The following LRRC7 variants were observed in gnomAD, a reference collection of about 807,000 sequenced individuals.
LRRC7 encodes the protein leucine rich repeat containing 7.
In LRRC7, 23 loss-of-function variants were observed where a neutral mutation model predicts 175.7. The ratio of observed to expected loss-of-function variants is 0.13; its 90% CI spans 0.09 to 0.19. The LOEUF (loss-of-function observed/expected upper bound fraction) is 0.19, where lower values mean the gene tolerates loss of function less well. Ranked by LOEUF, LRRC7 falls within the 10% of genes least tolerant of loss-of-function variation. The probability of loss-of-function intolerance (pLI) is 1.00; values close to 1 mark genes in which losing one functional copy is unlikely to be tolerated. For synonymous variants in LRRC7, 685 were observed against 680.9 expected (o/e 1.01, Z -0.09); for missense variants, 1,354 against 1,904.7 (o/e 0.71, Z 5.38).
intron 7 of LRRC7, among the ~76,000 whole-genome samples, chr1:69,892,489 A>G (rs1447693294): frequency 6.6e-6 from 1 of 152,258 alleles, no homozygotes; most frequent in Non-Finnish European, 1.5e-5. Flanking sequence ...ACAATACAAT[A>G]CACATCTTTA....
chr1:69,743,987 A>G (rs1052163674), intron 2 of LRRC7, among the ~76,000 whole-genome samples: 3 of 151,728 alleles, frequency 2.0e-5, no homozygotes, highest in African/African-American at 7.2e-5. Context: ...CCCTTTAACT[A>G]CTTACTATCC....
intron 2 of LRRC7, among the ~76,000 whole-genome samples, chr1:69,690,924 T>TG (rs1358700694): frequency 1.3e-5 from 2 of 152,168 alleles, no homozygotes; most frequent in East Asian, 3.9e-4. Flanking sequence ...CAGCTTCTTG[T>TG]GGGGTCTTTC....
intron 23 of LRRC7, among the ~76,000 whole-genome samples, chr1:70,066,494 CT>C: frequency 6.6e-6 from 1 of 151,980 alleles, no homozygotes; most frequent in South Asian, 2.1e-4. Context: ...TGTATGTAAC[CT>C]TTTGGGATTG....
intron 25 of LRRC7, among the ~76,000 whole-genome samples, chr1:70,104,542 C>T (rs996710644): frequency 6.6e-6 from 1 of 151,940 alleles, no homozygotes; most frequent in Non-Finnish European, 1.5e-5. Context: ...ATAGGATATA[C>T]TTGGAAAAAA....
chr1:69,813,116 T>C (rs1445878288), intron 4 of LRRC7, among the ~76,000 whole-genome samples: 2 of 152,154 alleles, frequency 1.3e-5, no homozygotes, highest in Admixed American at 1.3e-4. Flanking sequence ...CAATCCATTA[T>C]ATTGGCATCT....
At chr1:69,659,895 AAGAAG>A (rs1347799427) in intron 1 of LRRC7, among the ~76,000 whole-genome samples, 7 of 152,178 alleles carry the variant, frequency 4.6e-5, no homozygotes, top group Non-Finnish European at 7.4e-5. Flanking sequence ...CCCAATTCAA[AAGAAG>A]AGAAGAAAAG....
intron 7 of LRRC7, among the ~76,000 whole-genome samples, chr1:69,901,958 T>C (rs1395144057): frequency 6.6e-6 from 1 of 152,130 alleles, no homozygotes; most frequent in Non-Finnish European, 1.5e-5. Flanking sequence ...GATTCCCAAC[T>C]GTAATAAATT....
At position 70,137,390 on chromosome 1, in the gene LRRC7, A is replaced by G. The variant is rs892079262; in HGVS notation, c.*15503A>G. 6.6e-6 allele frequency among the ~76,000 whole-genome samples: 1 copy of G among 152,196 alleles called. No homozygotes were observed. The highest frequency in any genetic ancestry group is 2.4e-5 in the African/African-American group (1 of 41,452). ...AGGGATCAATCTGAGGGAAGAAGAG[A>G]AGTTAACCTTTAGTGACCCTTGAAA... On this transcript the variant is annotated 3_prime_UTR_variant, in exon 27 of 27. Transcript: ENST00000651989.
chr1:69,823,496 C>G (rs1416257198), intron 4 of LRRC7, among the ~76,000 whole-genome samples: 1 of 152,038 alleles, frequency 6.6e-6, no homozygotes, highest in Non-Finnish European at 1.5e-5. Flanking sequence ...ATGTCTGGCA[C>G]TTTTGGGTCT....
At chr1:69,714,784 T>C (rs1348603067) in intron 2 of LRRC7, among the ~76,000 whole-genome samples, 1 of 152,200 alleles carries the variant, frequency 6.6e-6, no homozygotes, top group Non-Finnish European at 1.5e-5. Context: ...ATCTGATGTT[T>C]TTTTTAATTC....
intron 7 of LRRC7, among the ~76,000 whole-genome samples, chr1:69,868,441 A>G (rs1328899290): frequency 6.6e-6 from 1 of 152,140 alleles, no homozygotes; most frequent in African/African-American, 2.4e-5. Context: ...AACTGAGTCT[A>G]AAGAACTGAT....
chr1:69,712,905 T>A (rs1289805242), intron 2 of LRRC7, among the ~76,000 whole-genome samples: 1 of 152,178 alleles, frequency 6.6e-6, no homozygotes, highest in Non-Finnish European at 1.5e-5. Flanking sequence ...ATGCATACTT[T>A]AAATAATAAC....
chr1:69,821,302 G>C (rs61784018), intron 4 of LRRC7, among the ~76,000 whole-genome samples: 4 of 151,866 alleles, frequency 2.6e-5, no homozygotes, highest in Non-Finnish European at 5.9e-5. Flanking sequence ...ACTCTGACTG[G>C]ATAATCTTAA....
chr1:69,876,008 G>A (rs1198430859), intron 7 of LRRC7, among the ~76,000 whole-genome samples: 1 of 152,022 alleles, frequency 6.6e-6, no homozygotes, highest in African/African-American at 2.4e-5. Context: ...AGGAACGTGG[G>A]GCATGATGTG....
At chr1:69,984,324 A>G (rs1653728518) in intron 9 of LRRC7, among the ~76,000 whole-genome samples, 2 of 152,162 alleles carry the variant, frequency 1.3e-5, no homozygotes, top group Non-Finnish European at 2.9e-5. Context: ...ATCAAATAAT[A>G]TATATAAAGT....
rs1221634492 is a variant in LRRC7 at position 70,123,145 on chromosome 1, A to G, written c.*1258A>G. The G allele has an allele frequency of 6.5e-6, 1 of 152,672 alleles. No homozygotes were observed. Among genetic ancestry groups the G allele is most frequent in the South Asian group, 2.1e-4 (1 of 4,824 alleles). The allele number at this position is 152,672 out of a possible 1,614,324, so 9.5% of individuals were successfully genotyped here. A position where few individuals can be genotyped will look rare whatever the true frequency, so the allele number is the denominator to read the frequency against. On this transcript the variant is annotated 3_prime_UTR_variant, in exon 27 of 27. Coordinates refer to ENST00000651989, the MANE Select transcript of LRRC7 (RefSeq NM_001370785.2). Reference sequence around the variant, plus strand: ...AATTATTTACTTTTCCATTGAAACTATTTTCCTGCATAAATGATCAAAATT... The same window carrying G: ...AATTATTTACTTTTCCATTGAAACTGTTTTCCTGCATAAATGATCAAAATT...
chr1:69,628,433 A>G (rs916895094), intron 1 of LRRC7, among the ~76,000 whole-genome samples: 19 of 152,184 alleles, frequency 1.2e-4, no homozygotes, highest in African/African-American at 4.1e-4. Flanking sequence ...TATGTACAAG[A>G]TCAATATTAG....
rs370223200 is a variant in LRRC7 at position 69,662,855 on chromosome 1, A to G, written c.3-15526A>G. Reference sequence around the variant, plus strand: ...TTTGGTTCACTGTGCTTCAAACTCTACTTTCCTTGGAAAAAAACTTAGTAC... The same window carrying G: ...TTTGGTTCACTGTGCTTCAAACTCTGCTTTCCTTGGAAAAAAACTTAGTAC... On this transcript the variant is annotated intron_variant, in intron 1 of 26. Coordinates refer to ENST00000651989, the MANE Select transcript of LRRC7 (RefSeq NM_001370785.2). Among the ~76,000 whole-genome samples the G allele has an allele frequency of 3.9e-4, 60 of 152,316 alleles. No individual in the cohort carries two copies. The East Asian group carries it at 4.6e-3, about 12-fold the overall frequency.
chr1:69,647,460 C>G (rs553598540), intron 1 of LRRC7, among the ~76,000 whole-genome samples: 1 of 152,260 alleles, frequency 6.6e-6, no homozygotes, highest in Admixed American at 6.5e-5. Context: ...TTCTAGCAAC[C>G]ATCTTTGTGG....
Sources: gnomAD v4.1 joint callset for allele counts (sites outside exome capture counted in the v4.1 genomes callset) on GRCh38, gnomAD v4.1.1 for gene constraint, MANE v1.5 for transcripts, NCBI Gene and HGNC (gene_info 2026-07-23, HGNC 2026-07-21) for gene names.